The following TANK variants were observed in gnomAD, a reference collection of about 807,000 sequenced individuals.
TANK encodes the protein TRAF family member-associated NF-kappa-B activator.
Under a neutral mutation model 43.6 loss-of-function variants are expected in TANK, and 15 were observed. The ratio of observed to expected loss-of-function variants is 0.34; its 90% CI spans 0.23 to 0.53. TANK has a LOEUF of 0.53. Among genes scored for constraint, TANK ranks in the 20% least tolerant of loss-of-function variants. TANK has a pLI of 0.94. For synonymous variants in TANK, 162 were observed against 178.2 expected, an observed-to-expected ratio of 0.91 and a Z score of 0.73; for missense variants, 417 against 498.6, an observed-to-expected ratio of 0.84 and a Z score of 1.56.
chr2:161,211,779 A>C (rs1686900063), intron 4 of TANK: 2 of 985,324 alleles, frequency 2.0e-6, no homozygotes, highest in African/African-American at 3.5e-5. Context: ...AGGCCAATGT[A>C]GGCTGGGGCT....
At chr2:161,233,830 C>T (rs548606810) in intron 7 of TANK, among the ~76,000 whole-genome samples, 55 of 151,938 alleles carry the variant, frequency 3.6e-4, no homozygotes, top group African/African-American at 1.3e-3. Context: ...ATCAATTTCC[C>T]ATTACAGTGA....
At chr2:161,151,707 A>G (rs1684086082) in intron 1 of TANK, among the ~76,000 whole-genome samples, 1 of 152,182 alleles carries the variant, frequency 6.6e-6, no homozygotes. Context: ...TCATTTGATC[A>G]TGTTGTATTA....
chr2:161,234,137 C>T (rs1559014276), intron 7 of TANK, among the ~76,000 whole-genome samples: 1 of 152,134 alleles, frequency 6.6e-6, no homozygotes, highest in African/African-American at 2.4e-5. Context: ...ACACAGCTGT[C>T]CAGTAAACTG....
At chr2:161,233,015 T>A (rs72876031) in intron 7 of TANK, 19 of 696,076 alleles carry the variant, frequency 2.7e-5, no homozygotes, top group Non-Finnish European at 4.3e-5. Flanking sequence ...AAAAACCTTT[T>A]AAGCTATTTT....
At chr2:161,201,056 T>A in intron 2 of TANK, 1 of 967,732 alleles carries the variant, frequency 1.0e-6, no homozygotes, top group Non-Finnish European at 1.2e-6. Flanking sequence ...ACAATTAGAC[T>A]AGAATATTAT....
At chr2:161,215,524 A>G (rs547891675) in intron 4 of TANK, among the ~76,000 whole-genome samples, 1 of 152,288 alleles carries the variant, frequency 6.6e-6, no homozygotes, top group African/African-American at 2.4e-5. Flanking sequence ...ATTTTCTAGT[A>G]TGTTCCATAA....
At chr2:161,202,946 CTTAA>C (rs1271559727) in intron 2 of TANK, 4 of 423,618 alleles carry the variant, frequency 9.4e-6, no homozygotes, top group Non-Finnish European at 1.9e-5. Flanking sequence ...ACTATATTCT[CTTAA>C]TTTCTTAAAA....
rs185790580 is a variant in TANK, at chr2:161,195,589, G to A, written c.100-7898G>A. On this transcript the variant is annotated intron_variant, in intron 2 of 7. Coordinates refer to ENST00000392749, the MANE Select transcript of TANK (RefSeq NM_001199135.3). ...CTTGGAGACCATATTAAGGACTTTC[G>A]GTTCTTTATTCTAGGAGCGTAAGGA... Among the ~76,000 whole-genome samples the A allele has an allele frequency of 1.3e-3, 198 of 151,970 alleles. 1 individual carries two copies. Among genetic ancestry groups the A allele is most frequent in the Non-Finnish European group, 1.6e-3 (107 of 67,986 alleles).
At chr2:161,191,899 T>A (rs752896352) in intron 2 of TANK, among the ~76,000 whole-genome samples, 3 of 152,134 alleles carry the variant, frequency 2.0e-5, no homozygotes, top group Admixed American at 6.5e-5. Flanking sequence ...ATGATACTCC[T>A]GCCTAAGCCT....
intron 1 of TANK, among the ~76,000 whole-genome samples, chr2:161,174,952 T>C (rs1265436587): frequency 2.0e-5 from 3 of 152,124 alleles, no homozygotes; most frequent in Non-Finnish European, 4.4e-5. Flanking sequence ...ATGACTGCCG[T>C]TTGATAATTA....
At chr2:161,179,559 A>T in intron 1 of TANK, 55 bp from the exon 2 acceptor site, 2 of 1,465,734 alleles carry the variant, frequency 1.4e-6, no homozygotes, top group Non-Finnish European at 1.8e-6. Flanking sequence ...ATGCATTTTT[A>T]AAATGAGGTT....
At chr2:161,191,068 C>G (rs559899553) in intron 2 of TANK, among the ~76,000 whole-genome samples, 327 of 152,264 alleles carry the variant, frequency 2.1e-3, no homozygotes, top group African/African-American at 7.4e-3. Flanking sequence ...GCTGTCTATA[C>G]TCCACATCAG....
upstream of TANK, among the ~76,000 whole-genome samples, chr2:161,158,526 C>T (rs565607262): frequency 1.4e-4 from 21 of 152,272 alleles, no homozygotes; most frequent in African/African-American, 4.8e-4. Flanking sequence ...GAGAAAAATA[C>T]GCATTTAAGA....
At chr2:161,156,624 A>G (rs1443849961), upstream of TANK, among the ~76,000 whole-genome samples, 1 of 151,064 alleles carries the variant, frequency 6.6e-6, no homozygotes, top group Non-Finnish European at 1.5e-5. Context: ...GAATGTGTGG[A>G]TTTTGGTTCT....
intron 1 of TANK, among the ~76,000 whole-genome samples, chr2:161,169,104 G>A (rs1194524164): frequency 1.3e-5 from 2 of 152,112 alleles, no homozygotes; most frequent in African/African-American, 2.4e-5. Context: ...TGAAAATGAG[G>A]GATTCAATTA....
rs752663700 is a variant in TANK at position 161,142,290 on chromosome 2, T to C, written c.-50+5227T>C. On this transcript the variant is annotated intron_variant, in intron 1 of 7. Transcript: ENST00000259075. The stretch of plus-strand genomic sequence containing the variant: ...TTCTGTAGGCTGATGCTCACTCTAA[T>C]GATAATTTCTTTTGCTGTGCAGAAA... Among the ~76,000 whole-genome samples, 3 of 152,204 alleles carry C rather than the reference T, an allele frequency of 2.0e-5. No individual in the cohort carries two copies. In the South Asian group the frequency reaches 6.2e-4, roughly 31 times the overall value.
intron 1 of TANK, among the ~76,000 whole-genome samples, chr2:161,138,560 G>C (rs1169140223): frequency 6.6e-6 from 1 of 152,098 alleles, no homozygotes; most frequent in Non-Finnish European, 1.5e-5. Context: ...CTCCCTCCAG[G>C]ATACACTTCC....
At chr2:161,168,570 T>C (rs570840957) in intron 1 of TANK, among the ~76,000 whole-genome samples, 5 of 152,320 alleles carry the variant, frequency 3.3e-5, no homozygotes, top group Non-Finnish European at 7.4e-5. Context: ...CAGTGGCTTA[T>C]GCCTATAATC....
chr2:161,193,405 C>T (rs1259155416), intron 2 of TANK, among the ~76,000 whole-genome samples: 1 of 152,140 alleles, frequency 6.6e-6, no homozygotes, highest in Non-Finnish European at 1.5e-5. Context: ...CTAAGAAATA[C>T]AGTGCATAAA....
Sources: allele counts gnomAD v4.1 joint callset (sites outside exome capture counted in the v4.1 genomes callset), GRCh38; gene constraint gnomAD v4.1.1; transcripts MANE v1.5; gene names NCBI Gene and HGNC (gene_info 2026-07-23, HGNC 2026-07-21).